The following DRC3 variants were observed in gnomAD, a reference collection of about 807,000 sequenced individuals.
The protein encoded by DRC3 is dynein regulatory complex subunit 3, also known as leucine rich repeat containing 48.
In DRC3, 45 loss-of-function variants were observed where a neutral mutation model predicts 57.6. That is an observed-to-expected ratio of 0.78 (90% CI 0.62 to 1.00). The LOEUF is 1.00. Ranked by LOEUF, DRC3 falls within the 50% of genes least tolerant of loss-of-function variation. The pLI, the probability that DRC3 is intolerant of heterozygous loss-of-function variation, is 0.00. For synonymous variants in DRC3, 257 were observed against 272.3 expected, an observed-to-expected ratio of 0.94 and a Z score of 0.55; for missense variants, 655 against 675.2, an observed-to-expected ratio of 0.97 and a Z score of 0.33.
At chr17:18,000,829 T>C (rs1486971637) in intron 9 of DRC3, among the ~76,000 whole-genome samples, 3 of 152,176 alleles carry the variant, frequency 2.0e-5, no homozygotes, top group Non-Finnish European at 1.5e-5. Context: ...TTCTGTGAAT[T>C]ATTTGTACTT....
intron 5 of DRC3, 93 bp downstream of exon 5, chr17:17,988,191 C>A: frequency 2.3e-6 from 3 of 1,298,238 alleles, no homozygotes; most frequent in Non-Finnish European, 3.2e-6. Context: ...GAAGTACAGG[C>A]TGAGTGTTCA....
intron 3 of DRC3, 51 bp from the exon 4 acceptor site, chr17:17,983,777 C>A: frequency 1.5e-6 from 2 of 1,360,632 alleles, no homozygotes; most frequent in Non-Finnish European, 2.1e-6. Context: ...TGTACACTAG[C>A]ACAAAACTCT....
At chr17:18,000,702 CA>C (rs1165365743) in intron 9 of DRC3, among the ~76,000 whole-genome samples, 2 of 152,140 alleles carry the variant, frequency 1.3e-5, no homozygotes, top group African/African-American at 4.8e-5. Context: ...GTCATCAGGC[CA>C]GTGTCACAGG....
At chr17:18,009,736 G>C (rs2044104319) in intron 12 of DRC3, among the ~76,000 whole-genome samples, 1 of 152,170 alleles carries the variant, frequency 6.6e-6, no homozygotes, top group Non-Finnish European at 1.5e-5. Flanking sequence ...AAAAAACCTG[G>C]CTTCTGTTAC....
At position 18,012,628 on chromosome 17, in the gene DRC3, G is replaced by A. The variant is rs186674908; in HGVS notation, c.1327-3436G>A. Among the ~76,000 whole-genome samples the A allele has an allele frequency of 2.4e-3, 371 of 152,134 alleles. 1 individual carries two copies. The highest frequency in any genetic ancestry group is 8.4e-3 in the African/African-American group (350 of 41,494). On this transcript the variant is annotated intron_variant, in intron 12 of 13. Coordinates refer to ENST00000399187, the MANE Select transcript of DRC3 (RefSeq NM_031294.4). The stretch of plus-strand genomic sequence containing the variant: ...GCCCAGGAGGTGGAGGTTGTAGTGA[G>A]CTGAAATTGCACCACTGCACTCCAG...
At chr17:17,979,917 C>T (rs1264020184) in intron 3 of DRC3, among the ~76,000 whole-genome samples, 2 of 151,720 alleles carry the variant, frequency 1.3e-5, no homozygotes, top group Admixed American at 1.3e-4. Context: ...CCAGGAGAGG[C>T]ACTACGCAGC....
At chr17:17,988,260 C>T in intron 5 of DRC3, 162 bp downstream of exon 5, 1 of 769,430 alleles carries the variant, frequency 1.3e-6, no homozygotes, top group Non-Finnish European at 2.0e-6. Context: ...GGGATTTGCT[C>T]ATGTTTAAAT....
intron 8 of DRC3, among the ~76,000 whole-genome samples, chr17:17,996,368 A>G (rs1012005824): frequency 1.3e-5 from 2 of 152,236 alleles, no homozygotes; most frequent in African/African-American, 2.4e-5. Flanking sequence ...AGGCCTCACA[A>G]TCATGGCAGA....
At chr17:17,983,621 C>G (rs962598727) in intron 3 of DRC3, among the ~76,000 whole-genome samples, 1 of 152,168 alleles carries the variant, frequency 6.6e-6, no homozygotes, top group Admixed American at 6.5e-5. Flanking sequence ...CTTTCTGTGG[C>G]TCTGGGTGGC....
intron 4 of DRC3, among the ~76,000 whole-genome samples, chr17:17,984,703 T>C (rs2145256145): frequency 6.6e-6 from 1 of 152,252 alleles, no homozygotes; most frequent in East Asian, 1.9e-4. Flanking sequence ...TGCCCAAAGC[T>C]GCACGACCAA....
At chr17:18,014,662 T>C (rs2044290914) in intron 12 of DRC3, among the ~76,000 whole-genome samples, 1 of 152,230 alleles carries the variant, frequency 6.6e-6, no homozygotes, top group Non-Finnish European at 1.5e-5. Context: ...GGGTATGATT[T>C]CTCTGCCTGG....
At chr17:18,015,974 G>T (rs1034613487) in intron 12 of DRC3, 90 bp from the exon 13 acceptor site, 6 of 1,427,632 alleles carry the variant, frequency 4.2e-6, no homozygotes, top group African/African-American at 2.8e-5. Flanking sequence ...ACAGCCAGGG[G>T]ACTTCCAAAT....
intron 3 of DRC3, among the ~76,000 whole-genome samples, chr17:17,983,056 C>T (rs2042785067): frequency 6.6e-6 from 1 of 152,204 alleles, no homozygotes. Context: ...TTTCAGAACT[C>T]TCCTGGCTGC....
chr17:17,998,446 G>T (rs888754082), intron 9 of DRC3, among the ~76,000 whole-genome samples: 1 of 152,220 alleles, frequency 6.6e-6, no homozygotes, highest in Non-Finnish European at 1.5e-5. Context: ...TGCTTAGCCT[G>T]TTGTAAATCA....
Position 17,992,778 on chromosome 17 carries a change from G to C in DRC3, c.458G>C (p.Arg153Pro). 1 of 1,613,500 alleles carries C rather than the reference G, an allele frequency of 6.2e-7. No individual in the cohort carries two copies. Among genetic ancestry groups the C allele is most frequent in the Non-Finnish European group, 8.5e-7 (1 of 1,179,702 alleles). Residue 153 changes from arginine to proline, a missense_variant, in exon 6 of 14, where the codon CGG (arginine) becomes CCG (proline). Transcript: ENST00000399187. ...TTTTCTCCCCAGATCATCTACCTCC[G>C]GCGGTTCAAGTGCCTGCGGACGCTC... ...IDNMMNIIYL[R>P]RFKCLRTLSL...
At chr17:17,994,549 G>A (rs1305276365) in intron 7 of DRC3, 131 bp downstream of exon 7, 2 of 1,285,972 alleles carry the variant, frequency 1.6e-6, no homozygotes, top group African/African-American at 1.5e-5. Context: ...CACAGGGCCT[G>A]ATGCCCTCTC....
chr17:17,975,737 G>C (rs2042356608), intron 2 of DRC3, among the ~76,000 whole-genome samples: 1 of 152,168 alleles, frequency 6.6e-6, no homozygotes, highest in Non-Finnish European at 1.5e-5. Context: ...AGATTGGAGA[G>C]AGTGGGAGGA....
intron 9 of DRC3, 56 bp from the exon 10 acceptor site, chr17:18,004,307 C>T: frequency 6.5e-7 from 1 of 1,545,346 alleles, no homozygotes; most frequent in East Asian, 2.4e-5. Flanking sequence ...TTGCCACCTG[C>T]CATTATCTAA....
intron 8 of DRC3, among the ~76,000 whole-genome samples, chr17:17,995,957 A>G (rs933964590): frequency 6.6e-6 from 1 of 152,364 alleles, no homozygotes; most frequent in Non-Finnish European, 1.5e-5. Context: ...GTCTGTTTTC[A>G]CGCTCCTGAT....
Sources: gnomAD v4.1 joint callset for allele counts (sites outside exome capture counted in the v4.1 genomes callset) on GRCh38, gnomAD v4.1.1 for gene constraint, MANE v1.5 for transcripts, NCBI Gene and HGNC (gene_info 2026-07-23, HGNC 2026-07-21) for gene names.